The following PPP1R37 variants were observed in gnomAD, a reference collection of about 807,000 sequenced individuals.
The protein encoded by PPP1R37 is protein phosphatase 1 regulatory subunit 37.
Under a neutral mutation model 61.0 loss-of-function variants are expected in PPP1R37, and 21 were observed. That is an observed-to-expected ratio of 0.34 (90% CI 0.24 to 0.50). The LOEUF is 0.50. Ranked by LOEUF, PPP1R37 falls within the 20% of genes least tolerant of loss-of-function variation. The pLI is 0.98. For missense variants in PPP1R37, 910 were observed against 952.7 expected (o/e 0.96, Z 0.59); for synonymous variants, 443 against 433.5 (o/e 1.02, Z -0.27).
intron 1 of PPP1R37, chr19:45,100,108 C>T (rs1040610175): frequency 5.3e-5 from 8 of 152,226 alleles, no homozygotes; most frequent in Admixed American, 2.0e-4. Context: ...TCACTGAGCA[C>T]GGAGGCCAGA....
intron 1 of PPP1R37, among the ~76,000 whole-genome samples, chr19:45,110,310 T>G (rs1968184935): frequency 6.6e-6 from 1 of 152,016 alleles, no homozygotes; most frequent in African/African-American, 2.4e-5. Flanking sequence ...GAGACGGGGT[T>G]TCCCTGTGTT....
chr19:45,110,627 G>A (rs905176844), intron 1 of PPP1R37, among the ~76,000 whole-genome samples: 6 of 152,024 alleles, frequency 3.9e-5, no homozygotes, highest in South Asian at 2.1e-4. Flanking sequence ...TTTTGTTCAC[G>A]GCTGTCTGCC....
In PPP1R37 at chr19:45,131,848, C is replaced by G. The variant is rs1247242356; in HGVS notation, c.203-6666C>G. The stretch of plus-strand genomic sequence containing the variant: ...TTTCTCCATTTGTGTCTCCTGCTGA[C>G]TAAGCCACACTGTGACACTGGTGCC... On this transcript the variant is annotated intron_variant, in intron 1 of 12. Transcript: ENST00000221462. Among the ~76,000 whole-genome samples the G allele has an allele frequency of 2.6e-5, 4 of 151,870 alleles. No homozygotes were observed. In the East Asian group the frequency reaches 7.7e-4, roughly 29 times the overall value.
chr19:45,144,026 T>TA (rs1968650073), intron 8 of PPP1R37: 1 of 157,688 alleles, frequency 6.3e-6, no homozygotes, highest in Admixed American at 6.3e-5. Context: ...TTTTTATTTT[T>TA]ATTTTTTTTG....
chr19:45,116,192 T>C (rs1281699932), intron 1 of PPP1R37, among the ~76,000 whole-genome samples: 1 of 152,000 alleles, frequency 6.6e-6, no homozygotes, highest in Admixed American at 6.6e-5. Context: ...AAGCCATGAG[T>C]GTGTTCTGAC....
chr19:45,125,849 C>T (rs1480358401), intron 1 of PPP1R37, among the ~76,000 whole-genome samples: 1 of 152,230 alleles, frequency 6.6e-6, no homozygotes, highest in Non-Finnish European at 1.5e-5. Context: ...GTGGGCCATT[C>T]TGGCCTCAGA....
chr19:45,143,429 T>C, intron 7 of PPP1R37, 92 bp from the exon 8 acceptor site: 1 of 713,914 alleles, frequency 1.4e-6, no homozygotes, highest in Non-Finnish European at 2.4e-6. Flanking sequence ...TCCATGGAGG[T>C]CCTAAGCAGA....
intron 3 of PPP1R37, 42 bp downstream of exon 3, chr19:45,140,323 C>T (rs777000386): frequency 1.1e-4 from 170 of 1,523,284 alleles, no homozygotes; most frequent in Non-Finnish European, 1.4e-4. Context: ...GGGTCATGGG[C>T]AGGTCGGGGG....
chr19:45,105,761 G>A (rs116734449), intron 1 of PPP1R37, among the ~76,000 whole-genome samples: 3,863 of 152,272 alleles, frequency 0.025, 165 homozygotes, highest in African/African-American at 0.088. Flanking sequence ...TGCCTTCCTT[G>A]CTGTGCCTGG....
At chr19:45,096,264 G>A (rs1967992343) in intron 1 of PPP1R37, among the ~76,000 whole-genome samples, 1 of 152,112 alleles carries the variant, frequency 6.6e-6, no homozygotes, top group Non-Finnish European at 1.5e-5. Flanking sequence ...AGGTGCGAGG[G>A]GGAAGATGGT....
At chr19:45,139,263 T>A (rs1402260533) in intron 2 of PPP1R37, among the ~76,000 whole-genome samples, 1 of 152,208 alleles carries the variant, frequency 6.6e-6, no homozygotes, top group East Asian at 1.9e-4. Context: ...TCCTCAGATT[T>A]AAAAAAATAA....
chr19:45,141,523 C>A, intron 5 of PPP1R37, 82 bp downstream of exon 5: 1 of 1,464,554 alleles, frequency 6.8e-7, no homozygotes, highest in Non-Finnish European at 9.1e-7. Flanking sequence ...GGCCCGTAGG[C>A]TCTGACTGCA....
Position 45,128,589 on chromosome 19 carries a change from G to A in PPP1R37, c.203-9925G>A, listed in dbSNP as rs560274103. The stretch of plus-strand genomic sequence containing the variant: ...TAAAATGGCAGATGATTTGGACTTC[G>A]AGACAAGAGATGCAGGGGCCTCGGC... On this transcript the variant is annotated intron_variant, in intron 1 of 12. Transcript: ENST00000221462. 3.7e-5 allele frequency: 47 copies of A among 1,262,428 alleles called. 2 individuals are homozygous for A. Among genetic ancestry groups the A allele is most frequent in the South Asian group, 3.0e-4 (25 of 83,692 alleles). 78.2% of individuals were successfully genotyped at this position (1,262,428 alleles called of 1,614,324 possible).
chr19:45,128,513 A>G, intron 1 of PPP1R37: 1 of 1,043,368 alleles, frequency 9.6e-7, no homozygotes, highest in Non-Finnish European at 1.4e-6. Context: ...GTTTGCAGCG[A>G]GAAGACAAGG....
intron 5 of PPP1R37, among the ~76,000 whole-genome samples, chr19:45,141,685 T>C (rs1846051391): frequency 6.6e-6 from 1 of 152,164 alleles, no homozygotes; most frequent in Admixed American, 6.5e-5. Context: ...TTCCGTAATG[T>C]CATCCTTCTG....
Position 45,121,344 on chromosome 19 carries a change from T to C in PPP1R37, c.203-17170T>C, listed in dbSNP as rs1968340397. On this transcript the variant is annotated intron_variant, in intron 1 of 12. Coordinates refer to ENST00000221462, the MANE Select transcript of PPP1R37 (RefSeq NM_019121.2). The surrounding 1 kb of genome is among the most constrained non-coding windows in gnomAD (Gnocchi z 4.2). ...CCTCAGGGCGTCTGTCTCCCTGCCA[T>C]GGGAGGCAGTGCATGTGTCAGCCAT... 6.6e-6 allele frequency among the ~76,000 whole-genome samples: 1 copy of C among 152,202 alleles called. No individual in the cohort carries two copies. The highest frequency in any genetic ancestry group is 6.5e-5 in the Admixed American group (1 of 15,288).
In PPP1R37 at chr19:45,118,169, C is replaced by T. The variant is rs576110471; in HGVS notation, c.203-20345C>T. ...CCTCCCCTCAGGCTGGCCTGTGTCA[C>T]TGCCCTATTCTATGTCCAGGCCTCC... is the stretch of plus-strand genomic sequence containing the variant. On this transcript the variant is annotated intron_variant, in intron 1 of 12. Coordinates refer to ENST00000221462, the MANE Select transcript of PPP1R37 (RefSeq NM_019121.2). 6.6e-5 allele frequency among the ~76,000 whole-genome samples: 10 copies of T among 152,368 alleles called. 1 individual carries two copies. Among genetic ancestry groups the T allele is most frequent in the Admixed American group, 6.5e-4 (10 of 15,310 alleles).
chr19:45,123,724 C>T (rs372603253), intron 1 of PPP1R37, among the ~76,000 whole-genome samples: 161 of 152,304 alleles, frequency 1.1e-3, no homozygotes, highest in African/African-American at 3.6e-3. Context: ...AAGAGCTGCT[C>T]GCACCATTCT....
chr19:45,110,536 G>A (rs922335004), intron 1 of PPP1R37, among the ~76,000 whole-genome samples: 3 of 152,044 alleles, frequency 2.0e-5, no homozygotes, highest in African/African-American at 7.2e-5. Context: ...CCTATAATAT[G>A]CATTTTCTTC....
Sources: allele counts gnomAD v4.1 joint callset (sites outside exome capture counted in the v4.1 genomes callset), GRCh38; gene constraint gnomAD v4.1.1; non-coding constraint Gnocchi (gnomAD v3.1); transcripts MANE v1.5; gene names NCBI Gene and HGNC (gene_info 2026-07-23, HGNC 2026-07-21).